SIAE: variants seen among roughly 807,000 people sequenced by gnomAD.
SIAE encodes the protein sialate O-acetylesterase.
Under a neutral mutation model 52.6 loss-of-function variants are expected in SIAE, and 39 were observed. The ratio of observed to expected loss-of-function variants is 0.74; its 90% CI spans 0.57 to 0.97. SIAE has a LOEUF of 0.97. SIAE is among the 50% of genes least tolerant of loss of function. The probability of loss-of-function intolerance (pLI) is 0.00; values close to 1 mark genes in which losing one functional copy is unlikely to be tolerated. For missense variants in SIAE, 592 were observed against 662.1 expected, an observed-to-expected ratio of 0.89 and a Z score of 1.16; for synonymous variants, 233 against 241.4, an observed-to-expected ratio of 0.97 and a Z score of 0.32.
intron 3 of SIAE, among the ~76,000 whole-genome samples, chr11:124,655,953 T>C (rs1440572824): frequency 1.3e-5 from 2 of 152,056 alleles, no homozygotes; most frequent in African/African-American, 4.8e-5. Flanking sequence ...TGTCAACAAG[T>C]GGAAAATTCC....
intron 1 of SIAE, among the ~76,000 whole-genome samples, chr11:124,669,838 G>A (rs1020690032): frequency 3.9e-5 from 6 of 152,122 alleles, no homozygotes; most frequent in Non-Finnish European, 8.8e-5. Context: ...TGGCCCTAAC[G>A]CTGGGCTCTC....
intron 1 of SIAE, among the ~76,000 whole-genome samples, chr11:124,672,604 T>C (rs995656173): frequency 3.9e-4 from 59 of 152,152 alleles, no homozygotes; most frequent in African/African-American, 1.3e-3. Flanking sequence ...GACACTAAAA[T>C]AAACAGCCTT....
In SIAE at chr11:124,670,231, GT is replaced by G. The variant is rs370797416; in HGVS notation, c.68-711del. On this transcript the variant is annotated intron_variant, in intron 1 of 9. Transcript: ENST00000263593. This position sits in a 1 kb window ranked among gnomAD's most constrained non-coding sequence, Gnocchi z 4.5. ...AGAAGGTCAACATGTCTGAACAAAG[GT>G]CTTCTGTCACAATTTTACCCATTCC... is the stretch of plus-strand genomic sequence containing the variant. 3.9e-5 allele frequency among the ~76,000 whole-genome samples: 6 copies of G among 152,228 alleles called. No individual in the cohort carries two copies. In the East Asian group the frequency reaches 1.2e-3, roughly 29 times the overall value.
chr11:124,637,833 C>T (rs1233917699), intron 9 of SIAE, among the ~76,000 whole-genome samples: 1 of 152,148 alleles, frequency 6.6e-6, no homozygotes, highest in Non-Finnish European at 1.5e-5. Flanking sequence ...AAATAGCAGC[C>T]CTAGACAAAC....
Position 124,636,864 on chromosome 11 carries a change from T to C in SIAE, c.*87A>G, listed in dbSNP as rs1181367776. The C allele has an allele frequency of 6.3e-7, 1 of 1,585,634 alleles. No homozygotes were observed. The highest frequency in any genetic ancestry group is 8.6e-7 in the Non-Finnish European group (1 of 1,156,668). On this transcript the variant is annotated 3_prime_UTR_variant, in exon 10 of 10. Transcript: ENST00000263593. Reference sequence around the variant, plus strand: ...AATGAGGCTTTCTATTAATTTCCTTTAAAAGCAATGGTTATTATTGAAACT... The same window carrying C: ...AATGAGGCTTTCTATTAATTTCCTTCAAAAGCAATGGTTATTATTGAAACT...
chr11:124,645,553 G>A lies in SIAE; in HGVS notation c.966+1812C>T, dbSNP rs886173019. Among the ~76,000 whole-genome samples, 7 of 151,990 alleles carry A rather than the reference G, an allele frequency of 4.6e-5. No individual in the cohort carries two copies. The highest frequency in any genetic ancestry group is 1.0e-4 in the Non-Finnish European group (7 of 68,000). On this transcript the variant is annotated intron_variant, in intron 7 of 9. Transcript: ENST00000263593. This position sits in a 1 kb window ranked among gnomAD's most constrained non-coding sequence, Gnocchi z 4.7. The stretch of plus-strand genomic sequence containing the variant: ...CGACCTCAGGTGATCCGCCCACCTC[G>A]GCCTCCCAGAGTGCTGGGATTACAA...
intron 2 of SIAE, among the ~76,000 whole-genome samples, chr11:124,668,147 C>T (rs776801168): frequency 1.3e-5 from 2 of 152,280 alleles, no homozygotes; most frequent in Non-Finnish European, 2.9e-5. Flanking sequence ...AGTCACACAC[C>T]CCCCAGTGTT....
At chr11:124,658,578 G>A (rs190906429) in intron 3 of SIAE, among the ~76,000 whole-genome samples, 3 of 152,256 alleles carry the variant, frequency 2.0e-5, no homozygotes, top group South Asian at 4.1e-4. Context: ...CTTAGGAGGC[G>A]ACAGATGAAC....
At chr11:124,675,298 A>C, upstream of SIAE, 1 of 1,614,094 alleles carries the variant, frequency 6.2e-7, no homozygotes, top group Non-Finnish European at 8.5e-7. Flanking sequence ...CCACTACCGA[A>C]TTCCACAAGG....
At chr11:124,675,593 T>A (rs1454304556), upstream of SIAE, 1 of 608,070 alleles carries the variant, frequency 1.6e-6, no homozygotes, top group Non-Finnish European at 2.7e-6. Context: ...TTCTCTTAAA[T>A]TCGTTTCATA....
intron 3 of SIAE, among the ~76,000 whole-genome samples, chr11:124,658,239 T>TGC (rs201834794): frequency 0.014 from 1,955 of 144,384 alleles, 22 homozygotes; most frequent in Non-Finnish European, 0.02. Flanking sequence ...TGTGTGTCTG[T>TGC]GCACACACAC....
chr11:124,642,269 G>C (rs1942861573), intron 7 of SIAE, among the ~76,000 whole-genome samples: 2 of 152,168 alleles, frequency 1.3e-5, no homozygotes, highest in African/African-American at 4.8e-5. Flanking sequence ...AAGAGCCTGT[G>C]AAGGATCCAC....
At position 124,670,416 on chromosome 11, in the gene SIAE, C is replaced by T. The variant is rs1165360833; in HGVS notation, c.68-895G>A. Among the ~76,000 whole-genome samples the T allele has an allele frequency of 1.3e-5, 2 of 152,142 alleles. No homozygotes were observed. Among genetic ancestry groups the T allele is most frequent in the African/African-American group, 4.8e-5 (2 of 41,430 alleles). On this transcript the variant is annotated intron_variant, in intron 1 of 9. Transcript: ENST00000263593. This position sits in a 1 kb window ranked among gnomAD's most constrained non-coding sequence, Gnocchi z 4.5. ...AAAAGTATTTTATTAATACAAACAT[C>T]CATCCAAATTATCTCAGCGTGTTCC...
At chr11:124,673,451 GGA>G (rs1231607814) in intron 1 of SIAE, among the ~76,000 whole-genome samples, 189 bp downstream of exon 1, 3 of 152,208 alleles carry the variant, frequency 2.0e-5, no homozygotes, top group Non-Finnish European at 2.9e-5. Flanking sequence ...TGGAGAAAGT[GGA>G]GAGGCCGGGG....
chr11:124,673,713 G>T lies in SIAE; in HGVS notation c.-5C>A, dbSNP rs1459498816. The T allele has an allele frequency of 1.2e-6, 2 of 1,613,474 alleles. No homozygotes were observed. The highest frequency in any genetic ancestry group is 4.5e-5 in the East Asian group (2 of 44,820). ...TACAAGCCCCGGCGCGACCATGCTTGCAAGGATCTGACCGCCGCCTAGGAC... is the reference window on the plus strand; with the variant it reads ...TACAAGCCCCGGCGCGACCATGCTTTCAAGGATCTGACCGCCGCCTAGGAC... On this transcript the variant is annotated 5_prime_UTR_variant, in exon 1 of 10. Coordinates refer to ENST00000263593, the MANE Select transcript of SIAE (RefSeq NM_170601.5).
At chr11:124,666,090 G>A (rs750746809) in intron 2 of SIAE, among the ~76,000 whole-genome samples, 3 of 152,102 alleles carry the variant, frequency 2.0e-5, no homozygotes, top group Non-Finnish European at 2.9e-5. Context: ...TGACAACATC[G>A]TTTGAACCAA....
At position 124,648,199 on chromosome 11, in the gene SIAE, G is replaced by A. The variant is rs749425590; in HGVS notation, c.723-24C>T. The A allele has an allele frequency of 4.0e-5, 63 of 1,571,540 alleles. No individual in the cohort carries two copies. In the Middle Eastern group the frequency reaches 5.0e-4, roughly 13 times the overall value. On this transcript the variant is annotated intron_variant, in intron 5 of 9. Transcript: ENST00000263593. ...ACCTGAAATCATATGATGCACAAGT[G>A]TCACCAGAGAGCCAGTGATTGATCA...
At chr11:124,655,547 C>G (rs1943086514) in intron 3 of SIAE, among the ~76,000 whole-genome samples, 1 of 152,080 alleles carries the variant, frequency 6.6e-6, no homozygotes, top group African/African-American at 2.4e-5. Context: ...GTAGATTTGT[C>G]TAATCCATAC....
chr11:124,654,572 T>C (rs2134373842), intron 4 of SIAE, 83 bp downstream of exon 4: 1 of 1,612,156 alleles, frequency 6.2e-7, no homozygotes, highest in East Asian at 2.2e-5. Flanking sequence ...AATAGACACA[T>C]AAGAACCAAA....
Sources: gnomAD v4.1 joint callset for allele counts (sites outside exome capture counted in the v4.1 genomes callset) on GRCh38, gnomAD v4.1.1 for gene constraint, Gnocchi (gnomAD v3.1) non-coding constraint, MANE v1.5 for transcripts, NCBI Gene and HGNC (gene_info 2026-07-23, HGNC 2026-07-21) for gene names.